COL7A1: variants seen among roughly 807,000 people sequenced by gnomAD.
COL7A1 encodes the protein collagen alpha-1(VII) chain.
A neutral mutation model predicts 456.2 loss-of-function variants in COL7A1; 296 were observed. The observed-to-expected ratio is 0.65, with a 90% CI of 0.59 to 0.71. COL7A1 has a LOEUF of 0.71. Among genes scored for constraint, COL7A1 ranks in the 30% least tolerant of loss-of-function variants. COL7A1 has a pLI of 0.00. For missense variants in COL7A1, 3,441 were observed against 4,017.2 expected (o/e 0.86, Z 3.88); for synonymous variants, 1,464 against 1,525.9 (o/e 0.96, Z 0.95).
Position 48,590,527 on chromosome 3 carries a change from C to A in COL7A1, c.1838G>T (p.Arg613Leu). ...GACGGGTCCCCAGGCCACCCTCACT[C>A]GCGTTGCATCTGACACCACAACCCG... ...GLRVVVSDAT[R>L]VRVAWGPVPG... The change falls in exon 15 of 119, where the codon CGA becomes CTA. Residue 613 changes from arginine (R) to leucine (L), a missense_variant. Arg to Leu is a moderately radical substitution (Grantham distance 102). This residue lies in a region of COL7A1 where 913 missense variants were observed against 1,088.2 expected (regional missense o/e 0.84). Coordinates refer to ENST00000681320, the MANE Select transcript of COL7A1 (RefSeq NM_000094.4). This position sits in a 1 kb window ranked among gnomAD's most constrained non-coding sequence, Gnocchi z 4.6. 13 of 1,614,178 alleles carry A rather than the reference C, an allele frequency of 8.1e-6. No individual in the cohort carries two copies. The highest frequency in any genetic ancestry group is 1.1e-5 in the Non-Finnish European group (13 of 1,180,044).
In COL7A1 at chr3:48,586,631, T is replaced by G; in HGVS notation, c.3335A>C (p.His1112Pro). 6.2e-7 allele frequency: 1 copy of G among 1,613,566 alleles called. No homozygotes were observed. Among genetic ancestry groups the G allele is most frequent in the Non-Finnish European group, 8.5e-7 (1 of 1,179,962 alleles). The change falls in exon 26 of 119, where the codon CAT becomes CCT. Residue 1112 changes from histidine to proline, a missense_variant. Around this residue, in one of 3 missense-constraint regions of COL7A1, gnomAD observed 444 missense variants for 427.6 expected, o/e 1.04. Coordinates refer to ENST00000681320, the MANE Select transcript of COL7A1 (RefSeq NM_000094.4). The surrounding 1 kb of genome is among the most constrained non-coding windows in gnomAD (Gnocchi z 5.1). ...PSPLFPLNGS[H>P]DLGIILQRIR... ...CCTTTGCAAGATAATGCCAAGGTCA[T>G]GGGAGCCATTCAGTGGGAACAGTGG...
chr3:48,578,409 G>C lies in COL7A1; in HGVS notation c.5487+44C>G, dbSNP rs2854403. ...GGTTGGATGTCGGGGATCGGGTGAG[G>C]GTAGTAAGGGGGAAAAGGGGGTAAC... On this transcript the variant is annotated intron_variant, in intron 64 of 118. Transcript: ENST00000681320. The surrounding 1 kb of genome is among the most constrained non-coding windows in gnomAD (Gnocchi z 4.7). 1 of 1,613,538 alleles carries C rather than the reference G, an allele frequency of 6.2e-7. No homozygotes were observed. The highest frequency in any genetic ancestry group is 8.5e-7 in the Non-Finnish European group (1 of 1,180,006).
chr3:48,576,785 A>C lies in COL7A1; in HGVS notation c.5605-14T>G. The stretch of plus-strand genomic sequence containing the variant: ...GCCATCACGACCCTGTGAAGGATGC[A>C]GCCAGCATCAGCACCCTGAGACCTC... On this transcript the variant is annotated splice_polypyrimidine_tract_variant and intron_variant, in intron 67 of 118. Transcript: ENST00000681320. The C allele has an allele frequency of 6.2e-7, 1 of 1,613,730 alleles. No homozygotes were observed. The highest frequency in any genetic ancestry group is 8.5e-7 in the Non-Finnish European group (1 of 1,179,824).
Position 48,590,581 on chromosome 3 carries a change from G to A in COL7A1, c.1784C>T (p.Pro595Leu), listed in dbSNP as rs2228561. ...SASVLTVRRE[P>L]ETPLAVPGLR... ...CCCTGGAACAGCAAGTGGAGTTTCC[G>A]GCTCTAGGAGTTACAGACAGAAGTC... Residue 595 changes from proline to leucine, a missense_variant, in exon 15 of 119, where the codon CCG becomes CTG. Transcript: ENST00000681320. This position sits in a 1 kb window ranked among gnomAD's most constrained non-coding sequence, Gnocchi z 4.6. 211,311 of 1,613,976 alleles carry A rather than the reference G, an allele frequency of 0.13. 15,198 individuals carry two copies. Among genetic ancestry groups the A allele is most frequent in the South Asian group, 0.22 (19,687 of 91,084 alleles).
In COL7A1 at chr3:48,565,401, T is replaced by G. The variant is rs780284810; in HGVS notation, c.8527+9A>C. On this transcript the variant is annotated intron_variant, in intron 116 of 118. Coordinates refer to ENST00000681320, the MANE Select transcript of COL7A1 (RefSeq NM_000094.4). The surrounding 1 kb of genome is among the most constrained non-coding windows in gnomAD (Gnocchi z 4.5). ...CCCATAGCTGCCCCACGGGTTCAGC[T>G]GTCCTCACCTTCCTCCTCTGCATGA... 6.2e-7 allele frequency: 1 copy of G among 1,600,148 alleles called. No homozygotes were observed. The highest frequency in any genetic ancestry group is 8.5e-7 in the Non-Finnish European group (1 of 1,173,676).
chr3:48,579,797 T>C lies in COL7A1; in HGVS notation c.5142A>G (p.Gly1714=). The C allele has an allele frequency of 6.2e-7, 1 of 1,614,046 alleles. No homozygotes were observed. Among genetic ancestry groups the C allele is most frequent in the Non-Finnish European group, 8.5e-7 (1 of 1,180,016 alleles). ...PPGRLVDTGP[G]AREKGEPGDR... The stretch of plus-strand genomic sequence containing the variant: ...CAGACCCTAATACCTTCTCTCTGGC[T>C]CCAGGTCCTGTGTCTACCTGTGGGG... Residue 1714 remains glycine, a synonymous_variant, in exon 58 of 119, where the codon GGA becomes GGG. Coordinates refer to ENST00000681320, the MANE Select transcript of COL7A1 (RefSeq NM_000094.4). This position sits in a 1 kb window ranked among gnomAD's most constrained non-coding sequence, Gnocchi z 4.4.
At position 48,592,822 on chromosome 3, in the gene COL7A1, T is replaced by G. The variant is rs1388169509; in HGVS notation, c.799A>C (p.Thr267Pro). 2 of 1,613,648 alleles carry G rather than the reference T, an allele frequency of 1.2e-6. No homozygotes were observed. The highest frequency in any genetic ancestry group is 1.7e-6 in the Non-Finnish European group (2 of 1,180,006). The change falls in exon 7 of 119, where the codon ACT becomes CCT. Residue 267 changes from threonine (T) to proline (P), a missense_variant. Thr to Pro is a conservative substitution (Grantham distance 38, BLOSUM62 -1). Around this residue, in one of 3 missense-constraint regions of COL7A1, gnomAD observed 913 missense variants for 1,088.2 expected, o/e 0.84. Transcript: ENST00000681320. The surrounding 1 kb of genome is among the most constrained non-coding windows in gnomAD (Gnocchi z 7.6). ...GPVTGYKVQY[T>P]PLTGLGQPLP... is the part of the protein sequence containing the mutation. ...GGCTGTCCCAGCCCCGTCAGAGGAGTGTACTGGACCTTGTAGCCAGTCACA... is the reference window on the plus strand; with the variant it reads ...GGCTGTCCCAGCCCCGTCAGAGGAGGGTACTGGACCTTGTAGCCAGTCACA...
chr3:48,586,096 C>T lies in COL7A1; in HGVS notation c.3701G>A (p.Cys1234Tyr). The T allele has an allele frequency of 6.2e-7, 1 of 1,613,592 alleles. No homozygotes were observed. The highest frequency in any genetic ancestry group is 8.5e-7 in the Non-Finnish European group (1 of 1,180,032). The change falls in exon 28 of 119, where the codon TGT (cysteine) becomes TAT (tyrosine). Residue 1234 changes from cysteine (C) to tyrosine (Y), a missense_variant. This residue lies in a region of COL7A1 where 2,084 missense variants were observed against 2,501.3 expected (regional missense o/e 0.83). Coordinates refer to ENST00000681320, the MANE Select transcript of COL7A1 (RefSeq NM_000094.4). The surrounding 1 kb of genome is among the most constrained non-coding windows in gnomAD (Gnocchi z 5.1). ...AACCTGAGTAGTGAAGGATGCCTGA[C>T]ACAGGGCTGTGGCCAGACCACTGAC... ...QAVSGLATAL[C>Y]QASFTTQPRP...
chr3:48,567,274 G>A lies in COL7A1; in HGVS notation c.8047-84C>T, dbSNP rs1389220837. On this transcript the variant is annotated intron_variant, in intron 109 of 118. Coordinates refer to ENST00000681320, the MANE Select transcript of COL7A1 (RefSeq NM_000094.4). The surrounding 1 kb of genome is among the most constrained non-coding windows in gnomAD (Gnocchi z 4.3). ...TCCCTGAACTCCCATGAGCTCCCTG[G>A]CCTAATGCCCAAACCTTCTGTAACC... The A allele has an allele frequency of 3.9e-6, 6 of 1,538,166 alleles. No individual in the cohort carries two copies. Among genetic ancestry groups the A allele is most frequent in the Non-Finnish European group, 5.4e-6 (6 of 1,118,600 alleles).
At position 48,585,494 on chromosome 3, in the gene COL7A1, G is replaced by A; in HGVS notation, c.3894+63C>T. 1.9e-6 allele frequency: 3 copies of A among 1,563,048 alleles called. No individual in the cohort carries two copies. The highest frequency in any genetic ancestry group is 1.8e-6 in the Non-Finnish European group (2 of 1,135,718). On this transcript the variant is annotated intron_variant, in intron 32 of 118. Coordinates refer to ENST00000681320, the MANE Select transcript of COL7A1 (RefSeq NM_000094.4). The surrounding 1 kb of genome is among the most constrained non-coding windows in gnomAD (Gnocchi z 4.5). The stretch of plus-strand genomic sequence containing the variant: ...TAACTCTGCTTCTTCCTTCTCTCTT[G>A]TAAAAACCCCGAGACAGCTTTGAGG...
rs2045484290 is a variant in COL7A1, at chr3:48,588,846, A to C, written c.2440+24T>G. On this transcript the variant is annotated intron_variant, in intron 19 of 118. Coordinates refer to ENST00000681320, the MANE Select transcript of COL7A1 (RefSeq NM_000094.4). This position sits in a 1 kb window ranked among gnomAD's most constrained non-coding sequence, Gnocchi z 4.6. ...GTGAGCAGTCCCAGCCAGGAAGGAC[A>C]GGGGTGGCGTCAGGGAGCCATACCT... 2 of 1,613,312 alleles carry C rather than the reference A, an allele frequency of 1.2e-6. No individual in the cohort carries two copies. Among genetic ancestry groups the C allele is most frequent in the Non-Finnish European group, 1.7e-6 (2 of 1,180,036 alleles).
Position 48,572,418 on chromosome 3 carries a change from C to CT in COL7A1, c.6939dup (p.Ala2314SerfsTer12), listed in dbSNP as rs1299921049. Reference sequence around the variant, plus strand: ...AGGTCTCCAGCAAGGCCTCCAGGGGCTCCCTGGTAAGGGGGAGAGGTCAGT... The same window carrying CT: ...AGGTCTCCAGCAAGGCCTCCAGGGGCTTCCCTGGTAAGGGGGAGAGGTCAGT... On this transcript the variant is annotated frameshift_variant, in exon 90 of 119. Coordinates refer to ENST00000681320, the MANE Select transcript of COL7A1 (RefSeq NM_000094.4). LOFTEE classifies it high-confidence loss of function. This position sits in a 1 kb window ranked among gnomAD's most constrained non-coding sequence, Gnocchi z 4.6. 1 of 1,614,150 alleles carries CT rather than the reference C, an allele frequency of 6.2e-7. No homozygotes were observed. The highest frequency in any genetic ancestry group is 2.2e-5 in the East Asian group (1 of 44,886).
Position 48,581,797 on chromosome 3 carries a change from TCCAGTTAACCC to T in COL7A1, c.4669-49_4669-39del. ...AAGACCATCAGTGCTAGTCCCAGGC[TCCAGTTAACCC>T]CCTGACCCAGCAAGTCCTGTGACCC... On this transcript the variant is annotated intron_variant, in intron 48 of 118. Transcript: ENST00000681320. This position sits in a 1 kb window ranked among gnomAD's most constrained non-coding sequence, Gnocchi z 5.8. The T allele has an allele frequency of 3.1e-6, 5 of 1,613,860 alleles. No homozygotes were observed. The highest frequency in any genetic ancestry group is 4.2e-6 in the Non-Finnish European group (5 of 1,179,876).
Position 48,572,483 on chromosome 3 carries a change from G to T in COL7A1, c.6936+20C>A, listed in dbSNP as rs2043996508. On this transcript the variant is annotated intron_variant, in intron 89 of 118. Coordinates refer to ENST00000681320, the MANE Select transcript of COL7A1 (RefSeq NM_000094.4). The surrounding 1 kb of genome is among the most constrained non-coding windows in gnomAD (Gnocchi z 4.6). ...CCCACCAGTTGACCCCCCCTCACTGGCAGCCCCACACACACTCACCTTCTC... is the reference window on the plus strand; with the variant it reads ...CCCACCAGTTGACCCCCCCTCACTGTCAGCCCCACACACACTCACCTTCTC... 15 of 1,613,490 alleles carry T rather than the reference G, an allele frequency of 9.3e-6. No individual in the cohort carries two copies. The highest frequency in any genetic ancestry group is 1.3e-5 in the Non-Finnish European group (15 of 1,179,786).
rs376041874 is a variant in COL7A1 at position 48,573,924 on chromosome 3, G to A, written c.6502-34C>T. On this transcript the variant is annotated intron_variant, in intron 80 of 118. Coordinates refer to ENST00000681320, the MANE Select transcript of COL7A1 (RefSeq NM_000094.4). The surrounding 1 kb of genome is among the most constrained non-coding windows in gnomAD (Gnocchi z 5.5). ...AGAGGGCACTGATGAGCCTCAATCT[G>A]GGCCTCACTTGGGCCTGTTCCCAAC... The A allele has an allele frequency of 5.0e-5, 80 of 1,611,510 alleles. No homozygotes were observed. Among genetic ancestry groups the A allele is most frequent in the Non-Finnish European group, 2.5e-6 (3 of 1,179,528 alleles).
rs1312515588 is a variant in COL7A1 at position 48,593,479 on chromosome 3, T to C, written c.427-30A>G. 4 of 1,613,836 alleles carry C rather than the reference T, an allele frequency of 2.5e-6. No individual in the cohort carries two copies. The East Asian group carries it at 6.7e-5, about 27-fold the overall frequency. ...GACAGGTGCAGGGGTCAAATCACGGTTCCCCTGGACACTTCATTTGGGGTC... is the reference window on the plus strand; with the variant it reads ...GACAGGTGCAGGGGTCAAATCACGGCTCCCCTGGACACTTCATTTGGGGTC... On this transcript the variant is annotated intron_variant, in intron 4 of 118. Transcript: ENST00000681320. This position sits in a 1 kb window ranked among gnomAD's most constrained non-coding sequence, Gnocchi z 4.4.
Position 48,564,465 on chromosome 3 carries a change from T to G in COL7A1, c.8819-43A>C. 2.5e-6 allele frequency: 4 copies of G among 1,612,592 alleles called. No homozygotes were observed. Among genetic ancestry groups the G allele is most frequent in the Non-Finnish European group, 3.4e-6 (4 of 1,179,218 alleles). ...GAAACGGTCGTCAGCCATCTGACCT[T>G]CCCCGGAGACGCTCAGGCAGAGGCA... On this transcript the variant is annotated intron_variant, in intron 118 of 118. Coordinates refer to ENST00000681320, the MANE Select transcript of COL7A1 (RefSeq NM_000094.4). The surrounding 1 kb of genome is among the most constrained non-coding windows in gnomAD (Gnocchi z 6.0).
At position 48,574,813 on chromosome 3, in the gene COL7A1, C is replaced by T; in HGVS notation, c.6332G>A (p.Gly2111Glu). The T allele has an allele frequency of 6.2e-7, 1 of 1,614,012 alleles. No individual in the cohort carries two copies. The highest frequency in any genetic ancestry group is 1.1e-5 in the South Asian group (1 of 91,072). The change falls in exon 77 of 119, where the codon GGA (glycine) becomes GAA (glutamate). Residue 2111 changes from glycine (G) to glutamate (E), a missense_variant. By Grantham distance (98) the Gly-to-Glu change is moderately conservative. Coordinates refer to ENST00000681320, the MANE Select transcript of COL7A1 (RefSeq NM_000094.4). The surrounding 1 kb of genome is among the most constrained non-coding windows in gnomAD (Gnocchi z 5.0). The stretch of plus-strand genomic sequence containing the variant: ...CACACTGACCTTAGCACCCTTGAGT[C>T]CAGGGGGTCCCTGTTCTCCAGAGAG... ...PGLSGEQGPP[G>E]LKGAKGEPGS...
Position 48,586,337 on chromosome 3 carries a change from G to A in COL7A1, c.3545C>T (p.Ala1182Val). ...CCCATCAGCCTACTCCTTACCAGAAGCCTGGGCCTCACGGATGGGGCTGAA... is the reference window on the plus strand; with the variant it reads ...CCCATCAGCCTACTCCTTACCAGAAACCTGGGCCTCACGGATGGGGCTGAA... The part of the protein sequence containing the change: ...DIFSPIREAQ[A>V]SGLNVVMLGM... Residue 1182 changes from alanine (A) to valine (V), a missense_variant, in exon 27 of 119, where the codon GCT becomes GTT. Coordinates refer to ENST00000681320, the MANE Select transcript of COL7A1 (RefSeq NM_000094.4). This position sits in a 1 kb window ranked among gnomAD's most constrained non-coding sequence, Gnocchi z 5.1. The A allele has an allele frequency of 3.1e-6, 5 of 1,613,844 alleles. No homozygotes were observed. The highest frequency in any genetic ancestry group is 3.4e-6 in the Non-Finnish European group (4 of 1,179,962).
Sources: gnomAD v4.1 joint callset for allele counts on GRCh38, gnomAD v4.1.1 for gene constraint, gnomAD v4.1.1 regional missense constraint, Gnocchi (gnomAD v3.1) non-coding constraint, MANE v1.5 for transcripts, NCBI Gene and HGNC (gene_info 2026-07-23, HGNC 2026-07-21) for gene names.